Variants in DBF4B observed in about 807,000 individuals in gnomAD.
DBF4B encodes the protein DBF4B-CDC7 kinase regulatory subunit.
Under a neutral mutation model 53.4 loss-of-function variants are expected in DBF4B, and 49 were observed. That is an observed-to-expected ratio of 0.92 (90% CI 0.73 to 1.16). The LOEUF (loss-of-function observed/expected upper bound fraction) is 1.16. Among genes scored for constraint, DBF4B ranks in the 50% most tolerant of loss-of-function variants. DBF4B has a pLI of 0.00. For synonymous variants in DBF4B, 257 were observed against 288.7 expected, an observed-to-expected ratio of 0.89 and a Z score of 1.11; for missense variants, 692 against 775.0, an observed-to-expected ratio of 0.89 and a Z score of 1.27.
chr17:44,718,812 T>C (rs1049041583), intron 2 of DBF4B: 1 of 151,674 alleles, frequency 6.6e-6, no homozygotes, highest in African/African-American at 2.4e-5. Flanking sequence ...TGTTTTTCTT[T>C]TAGAGCTGGC....
chr17:44,752,194 C>T lies in DBF4B; in HGVS notation c.*941C>T, dbSNP rs761080457. ...TTTATTACTCGGGCCTCAGTTTCCT[C>T]GTCTTTAAGTAAGGGGCTTGGATGA... On this transcript the variant is annotated 3_prime_UTR_variant, in exon 14 of 14. Transcript: ENST00000315005. 4.9e-5 allele frequency: 28 copies of T among 568,476 alleles called. No individual in the cohort carries two copies. The highest frequency in any genetic ancestry group is 8.2e-5 in the Non-Finnish European group (26 of 317,156). The allele number at this position is 568,476 out of a possible 1,614,324, so 35.2% of individuals were successfully genotyped here.
intron 13 of DBF4B, chr17:44,748,958 G>A: frequency 7.8e-7 from 1 of 1,289,860 alleles, no homozygotes; most frequent in Non-Finnish European, 1.0e-6. Flanking sequence ...GCAGAGTTCT[G>A]GGCCACACAG....
chr17:44,727,868 T>TC lies in DBF4B; in HGVS notation c.226-2037_226-2036insC, dbSNP rs1465202183. Among the ~76,000 whole-genome samples, 138 of 113,720 alleles carry TC rather than the reference T, an allele frequency of 1.2e-3. 2 individuals carry two copies. The highest frequency in any genetic ancestry group is 8.3e-3 in the Middle Eastern group (2 of 240). 74.6% of individuals were successfully genotyped at this position (113,720 alleles called of 152,430 possible). A position where few individuals can be genotyped will look rare whatever the true frequency, so the allele number is the denominator to read the frequency against. ...GCCTGCCACCATGCCCGGGTAATTTTTTTTTTTTTTTTTTTTTTTTTGTAC... is the reference window on the plus strand; with the variant it reads ...GCCTGCCACCATGCCCGGGTAATTTTCTTTTTTTTTTTTTTTTTTTTTGTAC... On this transcript the variant is annotated intron_variant, in intron 3 of 13. Transcript: ENST00000315005.
At chr17:44,714,247 G>A (rs1485506903) in intron 2 of DBF4B, among the ~76,000 whole-genome samples, 2 of 152,006 alleles carry the variant, frequency 1.3e-5, no homozygotes, top group East Asian at 1.9e-4. Context: ...TGGGTGACAG[G>A]TGCACTAAAA....
Position 44,751,653 on chromosome 17 carries a change from T to G in DBF4B, c.*400T>G, listed in dbSNP as rs1598874669. ...AAATCGACTTCAAATACTTGAAGGC[T>G]CCCACCTTCTGTTCTCTGGCTCCTT... On this transcript the variant is annotated 3_prime_UTR_variant, in exon 14 of 14. Transcript: ENST00000315005. The G allele has an allele frequency of 1.4e-6, 2 of 1,386,534 alleles. No individual in the cohort carries two copies. The highest frequency in any genetic ancestry group is 2.7e-5 in the East Asian group (1 of 36,838). The allele number at this position is 1,386,534 out of a possible 1,614,324, so 85.9% of individuals were successfully genotyped here. A position where few individuals can be genotyped will look rare whatever the true frequency, so the allele number is the denominator to read the frequency against.
At chr17:44,741,234 G>A (rs982280014) in intron 9 of DBF4B, 102 bp from the exon 10 acceptor site, 2 of 805,852 alleles carry the variant, frequency 2.5e-6, no homozygotes, top group Non-Finnish European at 4.3e-6. Context: ...GGAGGTGAGA[G>A]TCCACTTTAT....
intron 2 of DBF4B, among the ~76,000 whole-genome samples, chr17:44,712,301 C>CTTTTTTTTTTTTTTT (rs1163777667): frequency 1.4e-5 from 1 of 71,910 alleles, no homozygotes; most frequent in Non-Finnish European, 2.4e-5. Context: ...ATTATGTCTT[C>CTTTTTTTTTTTTTTT]TTTTTTTTTT....
intron 9 of DBF4B, among the ~76,000 whole-genome samples, chr17:44,738,965 A>G (rs921638013): frequency 6.6e-6 from 1 of 152,218 alleles, no homozygotes; most frequent in Non-Finnish European, 1.5e-5. Flanking sequence ...TGAAAAAAGC[A>G]TGAGGAGAGC....
At chr17:44,748,576 G>A (rs1379003645) in intron 13 of DBF4B, 111 bp downstream of exon 13, 1 of 1,552,920 alleles carries the variant, frequency 6.4e-7, no homozygotes, top group Admixed American at 1.9e-5. Context: ...GGGGGTGTCA[G>A]TTGATGTGTT....
intron 8 of DBF4B, 137 bp from the exon 9 acceptor site, chr17:44,738,242 G>A (rs1215375275): frequency 2.2e-6 from 2 of 896,168 alleles, no homozygotes; most frequent in African/African-American, 1.7e-5. Flanking sequence ...AGCGCAGCCT[G>A]GGGTGGCATG....
intron 3 of DBF4B, among the ~76,000 whole-genome samples, chr17:44,727,793 G>C (rs1027553187): frequency 6.0e-4 from 91 of 151,972 alleles, no homozygotes; most frequent in African/African-American, 2.2e-3. Context: ...CAATTCCCAG[G>C]TGCAAGCGAT....
chr17:44,723,817 AT>A (rs1974058764), intron 3 of DBF4B, among the ~76,000 whole-genome samples: 1 of 151,964 alleles, frequency 6.6e-6, no homozygotes, highest in African/African-American at 2.4e-5. Context: ...CTTTTTCCTT[AT>A]TAGAAACTTA....
At position 44,752,221 on chromosome 17, in the gene DBF4B, A is replaced by T; in HGVS notation, c.*968A>T. 1.9e-6 allele frequency: 1 copy of T among 527,744 alleles called. No homozygotes were observed. Among genetic ancestry groups the T allele is most frequent in the South Asian group, 2.1e-5 (1 of 46,960 alleles). 32.7% of individuals were successfully genotyped at this position (527,744 alleles called of 1,614,324 possible). A position where few individuals can be genotyped will look rare whatever the true frequency, so the allele number is the denominator to read the frequency against. On this transcript the variant is annotated 3_prime_UTR_variant, in exon 14 of 14. Coordinates refer to ENST00000315005, the MANE Select transcript of DBF4B (RefSeq NM_145663.3). ...TCTTTAAGTAAGGGGCTTGGATGAG[A>T]TGATTTCAGGACCCTTTCCAATAAT...
In DBF4B at chr17:44,751,542, T is replaced by A; in HGVS notation, c.*289T>A. On this transcript the variant is annotated 3_prime_UTR_variant, in exon 14 of 14. Coordinates refer to ENST00000315005, the MANE Select transcript of DBF4B (RefSeq NM_145663.3). ...CAGCCCACCTCGCCAACCACTCTTG[T>A]TGGTTTCCTTCTCAGACTTGCCACC... is the stretch of plus-strand genomic sequence containing the variant. The A allele has an allele frequency of 7.5e-7, 1 of 1,334,258 alleles. No individual in the cohort carries two copies. Among genetic ancestry groups the A allele is most frequent in the Non-Finnish European group, 9.6e-7 (1 of 1,044,064 alleles). The allele number at this position is 1,334,258 out of a possible 1,614,324, so 82.7% of individuals were successfully genotyped here.
intron 7 of DBF4B, among the ~76,000 whole-genome samples, chr17:44,736,023 C>A (rs1975385558): frequency 6.6e-6 from 1 of 151,938 alleles, no homozygotes; most frequent in African/African-American, 2.4e-5. Context: ...GCTCTGTCGC[C>A]CAGGCTGGAG....
intron 2 of DBF4B, among the ~76,000 whole-genome samples, chr17:44,711,282 C>T (rs1972841984): frequency 1.3e-5 from 2 of 151,984 alleles, no homozygotes; most frequent in Admixed American, 1.3e-4. Context: ...CCACACCTGG[C>T]CTCCAGATTG....
chr17:44,720,959 G>C (rs1178898537), intron 2 of DBF4B, among the ~76,000 whole-genome samples: 1 of 151,682 alleles, frequency 6.6e-6, no homozygotes, highest in East Asian at 1.9e-4. Context: ...TCCACCTCCT[G>C]GGTTCAAACA....
intron 9 of DBF4B, 53 bp from the exon 10 acceptor site, chr17:44,741,283 C>T: frequency 7.2e-7 from 1 of 1,382,676 alleles, no homozygotes; most frequent in African/African-American, 1.4e-5. Context: ...AGGCCCCCTC[C>T]TCAGCCTTTA....
intron 3 of DBF4B, among the ~76,000 whole-genome samples, chr17:44,727,065 C>T (rs1974414694): frequency 7.5e-6 from 1 of 132,770 alleles, no homozygotes; most frequent in Non-Finnish European, 1.5e-5. Flanking sequence ...TGCCTCTGCA[C>T]TCCAGCCTGG....
Sources: allele counts gnomAD v4.1 joint callset (sites outside exome capture counted in the v4.1 genomes callset), GRCh38; gene constraint gnomAD v4.1.1; transcripts MANE v1.5; gene names NCBI Gene and HGNC (gene_info 2026-07-23, HGNC 2026-07-21).